PTPRO: variants seen among roughly 807,000 people sequenced by gnomAD.
PTPRO encodes the protein protein tyrosine phosphatase receptor type O.
Under a neutral mutation model 145.2 loss-of-function variants are expected in PTPRO, and 62 were observed. The ratio of observed to expected loss-of-function variants is 0.43; its 90% confidence interval spans 0.35 to 0.53. The LOEUF (loss-of-function observed/expected upper bound fraction) is 0.53. Ranked by LOEUF, PTPRO falls within the 20% of genes least tolerant of loss-of-function variation. The pLI, the probability that PTPRO is intolerant of heterozygous loss-of-function variation, is 0.01. For synonymous variants in PTPRO, 565 were observed against 514.7 expected (o/e 1.10, Z -1.32); for missense variants, 1,345 against 1,482.7 (o/e 0.91, Z 1.53).
intron 17 of PTPRO, 40 bp from the exon 18 acceptor site, chr12:15,565,553 T>G: frequency 7.6e-7 from 1 of 1,309,134 alleles, no homozygotes; most frequent in Non-Finnish European, 1.1e-6. Context: ...AATCAATTCT[T>G]CTGCCCAGAT....
intron 20 of PTPRO, 96 bp from the exon 21 acceptor site, chr12:15,579,943 C>G: frequency 1.1e-6 from 1 of 928,166 alleles, no homozygotes; most frequent in Non-Finnish European, 1.7e-6. Flanking sequence ...CCTACTCTGT[C>G]ACTGACTGAT....
At chr12:15,497,973 C>T (rs1277829534) in intron 3 of PTPRO, among the ~76,000 whole-genome samples, 1 of 151,702 alleles carries the variant, frequency 6.6e-6, no homozygotes, top group Non-Finnish European at 1.5e-5. Flanking sequence ...ACAAAATCAA[C>T]TTCTCTGGGT....
At chr12:15,468,027 T>A (rs1315369551) in intron 1 of PTPRO, among the ~76,000 whole-genome samples, 1 of 152,218 alleles carries the variant, frequency 6.6e-6, no homozygotes, top group Admixed American at 6.5e-5. Context: ...TCATATCATC[T>A]TGGGGGCTCT....
rs964455793 is a variant in PTPRO at position 15,597,207 on chromosome 12, G to A, written c.*1134G>A. 6.6e-6 allele frequency: 1 copy of A among 152,030 alleles called. No individual in the cohort carries two copies. The highest frequency in any genetic ancestry group is 1.5e-5 in the Non-Finnish European group (1 of 67,996). 9.4% of individuals were successfully genotyped at this position (152,030 alleles called of 1,614,324 possible). On this transcript the variant is annotated 3_prime_UTR_variant, in exon 27 of 27. Transcript: ENST00000281171. ...TGTAACTAGTAACATTTTATTCTTT[G>A]GATTTTGTATAATTACAGTACATGA...
intron 1 of PTPRO, among the ~76,000 whole-genome samples, chr12:15,344,652 G>T (rs1011801714): frequency 6.6e-6 from 1 of 152,042 alleles, no homozygotes; most frequent in African/African-American, 2.4e-5. Context: ...TGGGAAAAAG[G>T]GTAAGTTTGT....
intron 1 of PTPRO, among the ~76,000 whole-genome samples, chr12:15,388,861 A>G (rs1016705556): frequency 2.0e-5 from 3 of 152,028 alleles, no homozygotes; most frequent in Admixed American, 2.0e-4. Context: ...TAATAACCAC[A>G]TGTGATATCT....
intron 1 of PTPRO, among the ~76,000 whole-genome samples, chr12:15,449,528 TAGG>T (rs1940993935): frequency 6.6e-6 from 1 of 152,174 alleles, no homozygotes; most frequent in African/African-American, 2.4e-5. Flanking sequence ...TACTGTACAG[TAGG>T]AGGACTATCA....
chr12:15,571,851 G>C (rs1228377451), intron 19 of PTPRO, among the ~76,000 whole-genome samples: 1 of 152,182 alleles, frequency 6.6e-6, no homozygotes, highest in African/African-American at 2.4e-5. Context: ...TCCCAATAAA[G>C]AGAGGGTATT....
chr12:15,516,562 A>AG (rs1204275057), intron 8 of PTPRO, among the ~76,000 whole-genome samples: 1 of 109,248 alleles, frequency 9.2e-6, no homozygotes, highest in African/African-American at 3.4e-5. Flanking sequence ...GGAAGAAGGA[A>AG]GGGGGAGGGC....
intron 1 of PTPRO, among the ~76,000 whole-genome samples, chr12:15,363,408 A>G (rs1223705559): frequency 6.6e-6 from 1 of 152,166 alleles, no homozygotes; most frequent in African/African-American, 2.4e-5. Flanking sequence ...CTTAGATTTA[A>G]AAGATAATGA....
At chr12:15,412,438 T>C (rs1939826100) in intron 1 of PTPRO, among the ~76,000 whole-genome samples, 1 of 152,256 alleles carries the variant, frequency 6.6e-6, no homozygotes, top group South Asian at 2.1e-4. Flanking sequence ...AACATATTTT[T>C]CCTGTTTTTA....
At chr12:15,535,994 T>G (rs1333184407) in intron 12 of PTPRO, among the ~76,000 whole-genome samples, 1 of 152,228 alleles carries the variant, frequency 6.6e-6, no homozygotes, top group Non-Finnish European at 1.5e-5. Flanking sequence ...CATAGAAATC[T>G]GTAGGCTGCC....
intron 1 of PTPRO, among the ~76,000 whole-genome samples, chr12:15,356,554 T>C (rs1385292466): frequency 6.6e-6 from 1 of 152,202 alleles, no homozygotes; most frequent in Non-Finnish European, 1.5e-5. Flanking sequence ...GAAAGAGAAA[T>C]GGAGCAGCAC....
chr12:15,576,033 A>G (rs1944178180), intron 19 of PTPRO, among the ~76,000 whole-genome samples: 1 of 152,212 alleles, frequency 6.6e-6, no homozygotes. Context: ...CATTCAACCC[A>G]CTACAGATGA....
chr12:15,587,137 G>A (rs1358380476), intron 24 of PTPRO, 86 bp downstream of exon 24: 1 of 1,448,790 alleles, frequency 6.9e-7, no homozygotes, highest in African/African-American at 1.4e-5. Flanking sequence ...GCCCTTATCA[G>A]GTTTAGTTGA....
In PTPRO at chr12:15,457,365, C is replaced by G. The variant is rs888148031; in HGVS notation, c.76-26609C>G. 2.6e-5 allele frequency among the ~76,000 whole-genome samples: 4 copies of G among 152,294 alleles called. No individual in the cohort carries two copies. The East Asian group carries it at 7.7e-4, about 29-fold the overall frequency. The stretch of plus-strand genomic sequence containing the variant: ...ACTCCCTTTCATATATTCATGTATC[C>G]TATTAGTTCTGTTCCTCTGGAGAAC... On this transcript the variant is annotated intron_variant, in intron 1 of 26. Coordinates refer to ENST00000281171, the MANE Select transcript of PTPRO (RefSeq NM_030667.3).
At chr12:15,323,940 T>TA (rs552461742) in intron 1 of PTPRO, among the ~76,000 whole-genome samples, 126 of 152,114 alleles carry the variant, frequency 8.3e-4, no homozygotes, top group African/African-American at 2.9e-3. Flanking sequence ...ATGAAAAATA[T>TA]AAAAAAAATT....
intron 1 of PTPRO, among the ~76,000 whole-genome samples, chr12:15,375,182 CA>C (rs1938644677): frequency 6.6e-6 from 1 of 152,112 alleles, no homozygotes; most frequent in African/African-American, 2.4e-5. Flanking sequence ...GCAACAATAA[CA>C]AAAATCAACA....
chr12:15,323,851 T>C (rs1266564122), intron 1 of PTPRO, among the ~76,000 whole-genome samples: 1 of 152,106 alleles, frequency 6.6e-6, no homozygotes, highest in Non-Finnish European at 1.5e-5. Flanking sequence ...TATGAATGCC[T>C]AAAAAGAATA....
Sources: allele counts gnomAD v4.1 joint callset (sites outside exome capture counted in the v4.1 genomes callset), GRCh38; gene constraint gnomAD v4.1.1; transcripts MANE v1.5; gene names NCBI Gene and HGNC (gene_info 2026-07-23, HGNC 2026-07-21).